NCOR2: variants seen among roughly 807,000 people sequenced by gnomAD.
NCOR2 encodes the protein CTG repeat protein 26.
A neutral mutation model predicts 262.9 loss-of-function variants in NCOR2; 81 were observed. That is an observed-to-expected ratio of 0.31 (90% CI 0.26 to 0.37). The LOEUF (loss-of-function observed/expected upper bound fraction) is 0.37. Among genes scored for constraint, NCOR2 ranks in the 10% least tolerant of loss-of-function variants. The pLI is 1.00. For synonymous variants in NCOR2, 1,659 were observed against 1,559.3 expected (o/e 1.06, Z -1.51); for missense variants, 3,385 against 3,621.4 (o/e 0.93, Z 1.68).
intron 1 of NCOR2, among the ~76,000 whole-genome samples, chr12:124,511,900 T>G (rs1004445503): frequency 6.6e-6 from 1 of 152,232 alleles, no homozygotes; most frequent in African/African-American, 2.4e-5. Flanking sequence ...ACCAGGAAAC[T>G]TAAAACAACA....
intron 19 of NCOR2, 51 bp downstream of exon 21, chr12:124,374,362 T>C: frequency 6.3e-7 from 1 of 1,585,882 alleles, no homozygotes; most frequent in Middle Eastern, 1.9e-4. Context: ...GACCTTGGGA[T>C]GCCCGCCCCG....
chr12:124,378,739 C>T lies in NCOR2; in HGVS notation c.2020-355G>A, dbSNP rs543003450. 3.0e-4 allele frequency among the ~76,000 whole-genome samples: 45 copies of T among 152,318 alleles called. No individual in the cohort carries two copies. The highest frequency in any genetic ancestry group is 9.9e-4 in the African/African-American group (41 of 41,580). On this transcript the variant is annotated intron_variant, in intron 17 of 46. Transcript: ENST00000405201. This position sits in a 1 kb window ranked among gnomAD's most constrained non-coding sequence, Gnocchi z 4.2. ...ACACCCTGTCAGCTTCATCGGCACACGTGGAGTGAATGAACACAGGAAGCT... is the reference window on the plus strand; with the variant it reads ...ACACCCTGTCAGCTTCATCGGCACATGTGGAGTGAATGAACACAGGAAGCT...
rs1410707282 is a variant in NCOR2, at chr12:124,389,918, G to T, written c.1877-4031C>A. ...CAGAAGGTTGAAAGTTAACTGAGCT[G>T]AACTTTGGATCCTAGATTCAGGTCA... is the stretch of plus-strand genomic sequence containing the variant. On this transcript the variant is annotated intron_variant, in intron 16 of 46. Coordinates refer to ENST00000405201, the Ensembl canonical transcript of NCOR2. The surrounding 1 kb of genome is among the most constrained non-coding windows in gnomAD (Gnocchi z 4.4). Among the ~76,000 whole-genome samples the T allele has an allele frequency of 1.3e-5, 2 of 152,132 alleles. No homozygotes were observed. The highest frequency in any genetic ancestry group is 4.8e-5 in the African/African-American group (2 of 41,414).
chr12:124,377,463 A>C (rs1044363359), intron 18 of NCOR2, among the ~76,000 whole-genome samples: 50 of 152,234 alleles, frequency 3.3e-4, no homozygotes, highest in Non-Finnish European at 4.4e-5. Context: ...ACTGAAAATA[A>C]CTATATAACT....
Position 124,347,889 on chromosome 12 carries a change from CG to C in NCOR2, c.4007del (p.Pro1336ArgfsTer43). On this transcript the variant is annotated frameshift_variant, in exon 30 of 47. Coordinates refer to ENST00000405201, the Ensembl canonical transcript of NCOR2. LOFTEE classifies it high-confidence loss of function. ...GGTGGTGGGGGCTGTGTCGCTCCGG[CG>C]GGATGGCACGGCCCATGAGACCTGG... 1 of 1,563,822 alleles carries C rather than the reference CG, an allele frequency of 6.4e-7. No homozygotes were observed.
intron 1 of NCOR2, among the ~76,000 whole-genome samples, chr12:124,493,818 T>TG (rs2048227218): frequency 2.6e-5 from 4 of 151,352 alleles, no homozygotes; most frequent in Admixed American, 2.6e-4. Context: ...CACGGGGGAG[T>TG]GGGGGGACAC....
At chr12:124,513,164 C>T (rs1288071293) in intron 1 of NCOR2, 1 of 152,358 alleles carries the variant, frequency 6.6e-6, no homozygotes, top group Non-Finnish European at 1.5e-5. Flanking sequence ...CAGAAAGGGC[C>T]CATTATGACA....
chr12:124,418,424 G>C (rs1316161979), intron 13 of NCOR2, among the ~76,000 whole-genome samples: 1 of 152,148 alleles, frequency 6.6e-6, no homozygotes, highest in Non-Finnish European at 1.5e-5. Context: ...ACCCGTGATG[G>C]CTGGTCTCAA....
rs761172406 is a variant in NCOR2 at position 124,371,926 on chromosome 12, G to A, written c.2807+96C>T. 9.3e-5 allele frequency: 119 copies of A among 1,284,566 alleles called. No homozygotes were observed. The Middle Eastern group carries it at 1.1e-3, about 12-fold the overall frequency. 79.6% of individuals were successfully genotyped at this position (1,284,566 alleles called of 1,614,324 possible). On this transcript the variant is annotated intron_variant, in intron 20 of 46. Transcript: ENST00000405201. ...CCACACCTCGGGCTCCCCCAAAGCAGGCAGAGCCAGACTGGGTGCGGCTGT... is the reference window on the plus strand; with the variant it reads ...CCACACCTCGGGCTCCCCCAAAGCAAGCAGAGCCAGACTGGGTGCGGCTGT...
chr12:124,558,726 G>C (rs1672555421), intron 1 of NCOR2, among the ~76,000 whole-genome samples: 1 of 152,168 alleles, frequency 6.6e-6, no homozygotes, highest in Non-Finnish European at 1.5e-5. Context: ...CCTGGGGTCA[G>C]TGCCGTGGGC....
In NCOR2 at chr12:124,504,614, C is replaced by T. The variant is rs1392754369; in HGVS notation, c.-117-9246G>A. ...CCCACAGCAGCACTATTTACATCAG[C>T]CAACAAGCAGAAACAACCCAAATGT... is the stretch of plus-strand genomic sequence containing the variant. On this transcript the variant is annotated intron_variant, in intron 1 of 46. Coordinates refer to the NCOR2 transcript ENST00000404621. The surrounding 1 kb of genome is among the most constrained non-coding windows in gnomAD (Gnocchi z 4.5). Among the ~76,000 whole-genome samples, 1 of 152,200 alleles carries T rather than the reference C, an allele frequency of 6.6e-6. No homozygotes were observed. The highest frequency in any genetic ancestry group is 1.5e-5 in the Non-Finnish European group (1 of 68,050).
intron 10 of NCOR2, among the ~76,000 whole-genome samples, chr12:124,429,241 G>A (rs1007677725): frequency 6.6e-6 from 1 of 152,252 alleles, no homozygotes; most frequent in African/African-American, 2.4e-5. Context: ...AGGCACTCCC[G>A]CCCCTTGGGC....
At chr12:124,405,203 C>T (rs190793331) in intron 13 of NCOR2, among the ~76,000 whole-genome samples, 24 of 152,334 alleles carry the variant, frequency 1.6e-4, no homozygotes, top group Non-Finnish European at 2.1e-4. Flanking sequence ...CATATTCGAT[C>T]GCTCATGGCA....
chr12:124,496,671 GGGGGCCCTGACT>G (rs2048398325), upstream of NCOR2, among the ~76,000 whole-genome samples: 1 of 152,158 alleles, frequency 6.6e-6, no homozygotes, highest in African/African-American at 2.4e-5. The surrounding 1 kb of genome is among the most constrained non-coding windows in gnomAD (Gnocchi z 4.4). Context: ...GGTTAAGGTT[GGGGGCCCTGACT>G]GCCTCCCAGG....
intron 6 of NCOR2, among the ~76,000 whole-genome samples, chr12:124,453,020 C>G (rs992680539): frequency 6.6e-6 from 1 of 152,142 alleles, no homozygotes; most frequent in Non-Finnish European, 1.5e-5. Flanking sequence ...ATGCCGTGCA[C>G]CGCCATGGCA....
chr12:124,386,345 T>G (rs1415229037), intron 16 of NCOR2, among the ~76,000 whole-genome samples: 1 of 151,498 alleles, frequency 6.6e-6, no homozygotes, highest in Non-Finnish European at 1.5e-5. Context: ...GGGAGACGGG[T>G]TGTTTTCCGG....
chr12:124,483,832 G>A lies in NCOR2; in HGVS notation c.234-59C>T, dbSNP rs1055795218. The A allele has an allele frequency of 1.4e-6, 2 of 1,472,352 alleles. No individual in the cohort carries two copies. The highest frequency in any genetic ancestry group is 1.4e-5 in the African/African-American group (1 of 70,864). 91.2% of individuals were successfully genotyped at this position (1,472,352 alleles called of 1,614,324 possible). On this transcript the variant is annotated intron_variant, in intron 2 of 46. Coordinates refer to ENST00000405201, the Ensembl canonical transcript of NCOR2. This position sits in a 1 kb window ranked among gnomAD's most constrained non-coding sequence, Gnocchi z 6.3. ...AGATTGCGGCTCTGAGAACTCCCGA[G>A]GCCCCGACCACCCTCTGCGCCGAGC... is the stretch of plus-strand genomic sequence containing the variant.
At chr12:124,546,820 C>G (rs1363124473) in intron 1 of NCOR2, among the ~76,000 whole-genome samples, 1 of 152,118 alleles carries the variant, frequency 6.6e-6, no homozygotes, top group Non-Finnish European at 1.5e-5. Context: ...CCGGGAGGAC[C>G]CACTCTGCAG....
intron 27 of NCOR2, among the ~76,000 whole-genome samples, chr12:124,353,763 T>C (rs2037711303): frequency 6.6e-6 from 1 of 152,252 alleles, no homozygotes; most frequent in Non-Finnish European, 1.5e-5. Context: ...CTTCCTCACC[T>C]GTCTAAGCAA....
Sources: allele counts gnomAD v4.1 joint callset (sites outside exome capture counted in the v4.1 genomes callset), GRCh38; gene constraint gnomAD v4.1.1; non-coding constraint Gnocchi (gnomAD v3.1); transcripts MANE v1.5; gene names NCBI Gene and HGNC (gene_info 2026-07-23, HGNC 2026-07-21).